Variants in WDR64 observed in about 807,000 individuals in gnomAD.
The protein encoded by WDR64 is WD repeat domain 64.
Under a neutral mutation model 139.3 loss-of-function variants are expected in WDR64, and 112 were observed. The observed-to-expected ratio is 0.80, with a 90% CI of 0.69 to 0.94. WDR64 has a LOEUF of 0.94. Among genes scored for constraint, WDR64 ranks in the 40% least tolerant of loss-of-function variants. WDR64 has a pLI of 0.00. For missense variants in WDR64, 1,206 were observed against 1,293.1 expected (o/e 0.93, Z 1.03); for synonymous variants, 444 against 437.7 (o/e 1.01, Z -0.18).
intron 16 of WDR64, among the ~76,000 whole-genome samples, chr1:241,768,772 C>T (rs2148296232): frequency 6.6e-6 from 1 of 152,206 alleles, no homozygotes; most frequent in Non-Finnish European, 1.5e-5. Context: ...GGGACTATTC[C>T]CCTGTTCCTA....
At chr1:241,766,676 G>T (rs1658188048) in intron 16 of WDR64, among the ~76,000 whole-genome samples, 1 of 151,558 alleles carries the variant, frequency 6.6e-6, no homozygotes, top group African/African-American at 2.4e-5. Context: ...ACTACATCCT[G>T]GGTGACAGAG....
chr1:241,726,083 A>T (rs1668825787), intron 10 of WDR64, among the ~76,000 whole-genome samples: 2 of 151,184 alleles, frequency 1.3e-5, no homozygotes, highest in Admixed American at 6.6e-5. Context: ...GCTAATTTTT[A>T]AATTTTTGGT....
intron 10 of WDR64, among the ~76,000 whole-genome samples, chr1:241,735,845 C>CTGTGTG (rs1669295410): frequency 6.0e-5 from 6 of 100,500 alleles, no homozygotes; most frequent in African/African-American, 9.1e-5. Flanking sequence ...CTCTCTCTCT[C>CTGTGTG]TCTCTCTCTC....
intron 3 of WDR64, among the ~76,000 whole-genome samples, chr1:241,672,322 C>G (rs1666265105): frequency 6.6e-6 from 1 of 152,184 alleles, no homozygotes; most frequent in African/African-American, 2.4e-5. Flanking sequence ...AGAAAACACA[C>G]ACACACACAC....
At chr1:241,664,125 T>C (rs1481667524) in intron 2 of WDR64, among the ~76,000 whole-genome samples, 1 of 152,260 alleles carries the variant, frequency 6.6e-6, no homozygotes, top group Non-Finnish European at 1.5e-5. Context: ...AATGCATTGT[T>C]TTGTTTTTTG....
chr1:241,785,648 A>G (rs544498271), intron 23 of WDR64, among the ~76,000 whole-genome samples: 7 of 152,340 alleles, frequency 4.6e-5, no homozygotes, highest in African/African-American at 1.7e-4. Flanking sequence ...CAAAGTGCTT[A>G]CATCTATTAA....
In WDR64 at chr1:241,767,140, C is replaced by T. The variant is rs114465534; in HGVS notation, c.2081+789C>T. On this transcript the variant is annotated intron_variant, in intron 16 of 27. Transcript: ENST00000437684. ...GTATCCCCAGTGCCACCACCATCTA[C>T]TCAGCCACCAAAGTCACATGGTGAG... 7.8e-3 allele frequency among the ~76,000 whole-genome samples: 1,195 copies of T among 152,306 alleles called. 12 individuals are homozygous for T. Among genetic ancestry groups the T allele is most frequent in the African/African-American group, 0.027 (1,130 of 41,546 alleles).
intron 2 of WDR64, among the ~76,000 whole-genome samples, chr1:241,662,061 GA>G (rs1199383312): frequency 6.6e-6 from 1 of 152,114 alleles, no homozygotes; most frequent in East Asian, 1.9e-4. Flanking sequence ...TGTCTAATAA[GA>G]ATTCAATAGC....
chr1:241,744,576 A>G (rs975805925), intron 13 of WDR64, 60 bp downstream of exon 13: 30 of 1,602,546 alleles, frequency 1.9e-5, no homozygotes, highest in Non-Finnish European at 2.4e-5. Flanking sequence ...TTTCCGCCAA[A>G]AACTCTTTCG....
intron 8 of WDR64, among the ~76,000 whole-genome samples, chr1:241,695,305 T>C (rs534329676): frequency 2.0e-5 from 3 of 152,324 alleles, no homozygotes; most frequent in Admixed American, 2.0e-4. Flanking sequence ...CACAGTACAA[T>C]GGCGCACAAC....
At chr1:241,660,303 G>T (rs375205798) in intron 1 of WDR64, among the ~76,000 whole-genome samples, 1 of 152,052 alleles carries the variant, frequency 6.6e-6, no homozygotes, top group East Asian at 1.9e-4. Context: ...CCATGCTTTG[G>T]GTTACTCCAG....
intron 10 of WDR64, 114 bp from the exon 11 acceptor site, chr1:241,738,249 T>C: frequency 7.8e-7 from 1 of 1,278,722 alleles, no homozygotes; most frequent in Admixed American, 2.5e-5. Flanking sequence ...ATATAAGTAA[T>C]ACTTTGGTAT....
intron 1 of WDR64, among the ~76,000 whole-genome samples, chr1:241,655,232 A>G (rs534485514): frequency 6.6e-6 from 1 of 152,090 alleles, no homozygotes; most frequent in Admixed American, 6.5e-5. Context: ...AAAATACAAA[A>G]ATTAGCTGGG....
At chr1:241,678,860 GAAAAAAAAA>G (rs58075238) in intron 5 of WDR64, among the ~76,000 whole-genome samples, 1 of 33,616 alleles carries the variant, frequency 3.0e-5, no homozygotes, top group African/African-American at 1.2e-4. Flanking sequence ...TTCTTAAACT[GAAAAAAAAA>G]AAAAAAAAAA....
intron 9 of WDR64, among the ~76,000 whole-genome samples, chr1:241,717,808 A>G (rs1668461963): frequency 2.0e-5 from 3 of 152,148 alleles, no homozygotes; most frequent in South Asian, 2.1e-4. Flanking sequence ...AGCAGGGATC[A>G]TATTTCATAT....
chr1:241,715,906 T>C (rs1668384061), intron 9 of WDR64, among the ~76,000 whole-genome samples: 1 of 152,186 alleles, frequency 6.6e-6, no homozygotes, highest in Admixed American at 6.5e-5. Flanking sequence ...ACCTCAGTGT[T>C]CATTATATTA....
chr1:241,798,242 A>G (rs1659424713), intron 27 of WDR64, among the ~76,000 whole-genome samples: 1 of 152,214 alleles, frequency 6.6e-6, no homozygotes. Flanking sequence ...AGAAAGACAA[A>G]AAGAATAGAT....
intron 2 of WDR64, among the ~76,000 whole-genome samples, chr1:241,661,554 C>T (rs1324908982): frequency 2.0e-5 from 3 of 152,102 alleles, no homozygotes; most frequent in Non-Finnish European, 4.4e-5. Flanking sequence ...ATCCAGCTCA[C>T]TTTATGAAGC....
intron 23 of WDR64, among the ~76,000 whole-genome samples, chr1:241,784,955 A>C (rs868815720): frequency 1.7e-5 from 1 of 59,494 alleles, no homozygotes; most frequent in African/African-American, 8.5e-5. Context: ...CTCTGTCTGA[A>C]AAAAAAAAAA....
Sources: gnomAD v4.1 joint callset for allele counts (sites outside exome capture counted in the v4.1 genomes callset) on GRCh38, gnomAD v4.1.1 for gene constraint, MANE v1.5 for transcripts, NCBI Gene and HGNC (gene_info 2026-07-23, HGNC 2026-07-21) for gene names.